Variants in ERC2 observed in about 807,000 individuals in gnomAD.
ERC2 encodes ELKS/RAB6-interacting/CAST family member 2.
ERC2 carries 42 observed loss-of-function variants against 114.8 expected under a neutral mutation model. That is an observed-to-expected ratio of 0.37 (90% CI 0.29 to 0.47). The LOEUF (loss-of-function observed/expected upper bound fraction) is 0.47. Among genes scored for constraint, ERC2 ranks in the 20% least tolerant of loss-of-function variants. ERC2 has a pLI of 0.99. For missense variants in ERC2, 939 were observed against 1,150.7 expected, an observed-to-expected ratio of 0.82 and a Z score of 2.66; for synonymous variants, 454 against 425.5, an observed-to-expected ratio of 1.07 and a Z score of -0.82.
chr3:56,418,314 A>C (rs1190501779), intron 2 of ERC2, among the ~76,000 whole-genome samples: 2 of 149,756 alleles, frequency 1.3e-5, no homozygotes, highest in Non-Finnish European at 3.0e-5. Context: ...AAAAAAAAAA[A>C]GGATTCGGAA....
chr3:56,412,114 G>C (rs2060964261), intron 2 of ERC2, among the ~76,000 whole-genome samples: 1 of 152,308 alleles, frequency 6.6e-6, no homozygotes, highest in East Asian at 1.9e-4. Flanking sequence ...GAGAAAGGTA[G>C]AGGGAGATTT....
At position 56,468,348 on chromosome 3, in the gene ERC2, CGGAGACCGAGCGAGCAGGAGCG is replaced by C. The variant is rs2063652318; in HGVS notation, c.-263_-242del. The C allele has an allele frequency of 1.3e-5, 2 of 153,976 alleles. No homozygotes were observed. The highest frequency in any genetic ancestry group is 6.5e-5 in the Admixed American group (1 of 15,302). The allele number at this position is 153,976 out of a possible 1,614,324, so 9.5% of individuals were successfully genotyped here. ...GAGGAGCAGGAGCCGGCGCCGGAGC[CGGAGACCGAGCGAGCAGGAGCG>C]GGAGGCGGAGGAAGAGGAGGAGAAG... On this transcript the variant is annotated 5_prime_UTR_variant, in exon 1 of 18. Coordinates refer to ENST00000288221, the MANE Select transcript of ERC2 (RefSeq NM_015576.3).
intron 17 of ERC2, among the ~76,000 whole-genome samples, chr3:55,570,803 T>A (rs2056661595): frequency 6.6e-6 from 1 of 152,162 alleles, no homozygotes; most frequent in Non-Finnish European, 1.5e-5. Flanking sequence ...CAATTTTTCA[T>A]TTTAGTTTAG....
intron 3 of ERC2, among the ~76,000 whole-genome samples, chr3:56,279,884 G>T (rs1160926969): frequency 6.6e-6 from 1 of 152,184 alleles, no homozygotes; most frequent in African/African-American, 2.4e-5. Context: ...GATACAGAGG[G>T]TATGGTAAGC....
intron 3 of ERC2, among the ~76,000 whole-genome samples, chr3:56,196,002 T>C (rs904967778): frequency 6.6e-6 from 1 of 152,102 alleles, no homozygotes; most frequent in Non-Finnish European, 1.5e-5. Context: ...CACAGAGTGT[T>C]GTATCACTGC....
At chr3:56,101,455 A>T (rs529353734) in intron 6 of ERC2, among the ~76,000 whole-genome samples, 153 of 129,640 alleles carry the variant, frequency 1.2e-3, no homozygotes, top group African/African-American at 4.4e-3. Context: ...TAGTAACACA[A>T]CCTACTGCTC....
intron 17 of ERC2, among the ~76,000 whole-genome samples, chr3:55,677,011 T>C (rs1265603053): frequency 6.6e-6 from 1 of 152,118 alleles, no homozygotes; most frequent in Non-Finnish European, 1.5e-5. Flanking sequence ...CAAGAACTTA[T>C]TTACTGCCCT....
chr3:56,376,273 A>G (rs1167959651), intron 2 of ERC2, among the ~76,000 whole-genome samples: 2 of 152,160 alleles, frequency 1.3e-5, no homozygotes, highest in East Asian at 1.9e-4. Flanking sequence ...GAAAATATCT[A>G]CCAAACTCTC....
chr3:56,163,961 T>C (rs1416968274), intron 4 of ERC2, among the ~76,000 whole-genome samples: 1 of 152,070 alleles, frequency 6.6e-6, no homozygotes, highest in South Asian at 2.1e-4. Flanking sequence ...TTATAGGGTC[T>C]ATGGGCTAAG....
intron 2 of ERC2, among the ~76,000 whole-genome samples, chr3:56,361,426 C>G (rs1298032150): frequency 6.6e-6 from 1 of 151,850 alleles, no homozygotes; most frequent in Non-Finnish European, 1.5e-5. Context: ...ACAGAGGAAT[C>G]CAAAAACATA....
intron 3 of ERC2, among the ~76,000 whole-genome samples, chr3:56,282,938 G>C (rs1250930071): frequency 6.6e-6 from 1 of 152,152 alleles, no homozygotes; most frequent in Non-Finnish European, 1.5e-5. Flanking sequence ...GATAACCACA[G>C]CCTAGAAAAA....
At chr3:55,550,744 C>T (rs1056033963) in intron 17 of ERC2, among the ~76,000 whole-genome samples, 11 of 152,108 alleles carry the variant, frequency 7.2e-5, no homozygotes, top group South Asian at 2.1e-4. Flanking sequence ...GGGCCGGGCG[C>T]AGTGGCTCAC....
At chr3:55,964,461 T>TC (rs1386603925) in intron 12 of ERC2, among the ~76,000 whole-genome samples, 2 of 151,292 alleles carry the variant, frequency 1.3e-5, no homozygotes, top group Non-Finnish European at 2.9e-5. Context: ...TACAATCTTT[T>TC]TTTTTTTCTA....
At position 56,358,474 on chromosome 3, in the gene ERC2, AT is replaced by A. The variant is rs543277305; in HGVS notation, c.658-62040del. The stretch of plus-strand genomic sequence containing the variant: ...CTTCTGAGTTTTTTTTAGGTCTGCA[AT>A]TAAGTGTATGAAATAGTTAATAGGT... On this transcript the variant is annotated intron_variant, in intron 2 of 17. Coordinates refer to ENST00000288221, the MANE Select transcript of ERC2 (RefSeq NM_015576.3). Among the ~76,000 whole-genome samples, 60 of 152,304 alleles carry A rather than the reference AT, an allele frequency of 3.9e-4. 1 individual carries two copies. The East Asian group carries it at 0.01, about 26-fold the overall frequency.
chr3:55,776,475 C>A (rs1044161653), intron 14 of ERC2, among the ~76,000 whole-genome samples: 2 of 152,116 alleles, frequency 1.3e-5, no homozygotes, highest in African/African-American at 2.4e-5. Context: ...GACGATGGGA[C>A]TAAGAAGGAG....
At chr3:56,195,727 T>A (rs1168943863) in intron 3 of ERC2, among the ~76,000 whole-genome samples, 4 of 152,034 alleles carry the variant, frequency 2.6e-5, no homozygotes, top group Non-Finnish European at 5.9e-5. Flanking sequence ...CTGGGGACTC[T>A]GAGGCAGGAA....
intron 17 of ERC2, among the ~76,000 whole-genome samples, chr3:55,550,513 C>A (rs1336167018): frequency 6.6e-6 from 1 of 152,168 alleles, no homozygotes; most frequent in East Asian, 1.9e-4. Flanking sequence ...ATGTAATTCT[C>A]TCCACACCCA....
intron 3 of ERC2, among the ~76,000 whole-genome samples, chr3:56,211,931 C>T (rs1316783077): frequency 6.6e-6 from 1 of 152,166 alleles, no homozygotes; most frequent in Non-Finnish European, 1.5e-5. Flanking sequence ...CCTCATCTCT[C>T]ACCTTATACA....
At chr3:55,895,360 C>A (rs150922835) in intron 13 of ERC2, among the ~76,000 whole-genome samples, 1 of 152,174 alleles carries the variant, frequency 6.6e-6, no homozygotes, top group Non-Finnish European at 1.5e-5. Flanking sequence ...GAACCCTAGA[C>A]GTTACTGACC....
Sources: allele counts gnomAD v4.1 joint callset (sites outside exome capture counted in the v4.1 genomes callset), GRCh38; gene constraint gnomAD v4.1.1; transcripts MANE v1.5; gene names NCBI Gene and HGNC (gene_info 2026-07-23, HGNC 2026-07-21).